PKHD1: variants seen among roughly 807,000 people sequenced by gnomAD.
PKHD1 encodes the protein fibrocystin.
PKHD1 carries 291 observed loss-of-function variants against 412.0 expected under a neutral mutation model. The ratio of observed to expected loss-of-function variants is 0.71; its 90% CI spans 0.64 to 0.78. The LOEUF (loss-of-function observed/expected upper bound fraction) is 0.78. Ranked by LOEUF, PKHD1 falls within the 30% of genes least tolerant of loss-of-function variation. PKHD1 has a pLI of 0.00. For missense variants in PKHD1, 4,825 were observed against 4,950.7 expected, an observed-to-expected ratio of 0.97 and a Z score of 0.76; for synonymous variants, 1,777 against 1,821.5, an observed-to-expected ratio of 0.98 and a Z score of 0.62.
intron 4 of PKHD1, among the ~76,000 whole-genome samples, chr6:52,081,964 T>C (rs1479056871): frequency 6.6e-6 from 1 of 152,164 alleles, no homozygotes; most frequent in Non-Finnish European, 1.5e-5. Context: ...AAATATTTTC[T>C]AAATAGAGGT....
intron 60 of PKHD1, among the ~76,000 whole-genome samples, chr6:51,691,780 A>G (rs1002289206): frequency 1.3e-5 from 2 of 152,144 alleles, no homozygotes; most frequent in African/African-American, 4.8e-5. Flanking sequence ...TATGTAAAAA[A>G]CCTGCACTTG....
chr6:52,032,453 G>A (rs371278442), intron 29 of PKHD1, among the ~76,000 whole-genome samples: 10 of 152,140 alleles, frequency 6.6e-5, no homozygotes, highest in South Asian at 6.2e-4. Context: ...ATTTTTATAC[G>A]TAGAATGTCT....
intron 36 of PKHD1, among the ~76,000 whole-genome samples, chr6:51,957,786 A>G (rs904524395): frequency 3.3e-5 from 5 of 152,070 alleles, no homozygotes; most frequent in Non-Finnish European, 5.9e-5. Context: ...GACACAAATG[A>G]TCTGCCCTTC....
chr6:51,639,033 C>T, intron 63 of PKHD1, 77 bp from the exon 64 acceptor site: 1 of 1,086,640 alleles, frequency 9.2e-7, no homozygotes, highest in South Asian at 1.2e-5. Context: ...TCTGCGAAGG[C>T]AGACATTTGG....
At chr6:51,836,601 C>T in intron 50 of PKHD1, 132 bp from the exon 51 acceptor site, 1 of 696,506 alleles carries the variant, frequency 1.4e-6, no homozygotes, top group African/African-American at 1.8e-5. Flanking sequence ...AAATGAAATC[C>T]TTGTTAGTTA....
chr6:52,020,508 T>G (rs1801238707), intron 33 of PKHD1, among the ~76,000 whole-genome samples: 1 of 152,246 alleles, frequency 6.6e-6, no homozygotes, highest in African/African-American at 2.4e-5. Context: ...CTTGGAAAGT[T>G]TCTGATTCAG....
At chr6:51,891,972 T>A (rs1779195398) in intron 43 of PKHD1, among the ~76,000 whole-genome samples, 1 of 152,150 alleles carries the variant, frequency 6.6e-6, no homozygotes, top group African/African-American at 2.4e-5. Context: ...CAGCACATAC[T>A]GACACAATTG....
At chr6:51,810,630 C>A (rs1764549757) in intron 52 of PKHD1, among the ~76,000 whole-genome samples, 1 of 152,234 alleles carries the variant, frequency 6.6e-6, no homozygotes, top group South Asian at 2.1e-4. Context: ...TGCTCACTCA[C>A]CCTTAGCCAC....
At chr6:51,643,615 G>A (rs912380242) in intron 63 of PKHD1, among the ~76,000 whole-genome samples, 1 of 152,166 alleles carries the variant, frequency 6.6e-6, no homozygotes, top group Non-Finnish European at 1.5e-5. Context: ...AAGTTTGGTA[G>A]AAAATTATTT....
rs368682518 is a variant in PKHD1, at chr6:51,616,737, C to T, written c.*2344G>A. On this transcript the variant is annotated 3_prime_UTR_variant, in exon 67 of 67. Transcript: ENST00000371117. ...AGTAAGATAATTATGGTTATTCCTA[C>T]GCAGAGGGATAGGATAAAACATGCC... is the stretch of plus-strand genomic sequence containing the variant. The T allele has an allele frequency of 1.2e-4, 47 of 397,448 alleles. No homozygotes were observed. Among genetic ancestry groups the T allele is most frequent in the Non-Finnish European group, 1.6e-4 (36 of 225,900 alleles). 24.6% of individuals were successfully genotyped at this position (397,448 alleles called of 1,614,324 possible). A position where few individuals can be genotyped will look rare whatever the true frequency, so the allele number is the denominator to read the frequency against.
intron 55 of PKHD1, among the ~76,000 whole-genome samples, chr6:51,767,798 G>C (rs1296585151): frequency 6.6e-6 from 1 of 152,170 alleles, no homozygotes; most frequent in Non-Finnish European, 1.5e-5. Context: ...TGTCTTTATA[G>C]CAGCATGATT....
In PKHD1 at chr6:51,976,806, A is replaced by C. The variant is rs528291557; in HGVS notation, c.5752-16780T>G. Among the ~76,000 whole-genome samples, 10 of 151,978 alleles carry C rather than the reference A, an allele frequency of 6.6e-5. No individual in the cohort carries two copies. The East Asian group carries it at 1.7e-3, about 27-fold the overall frequency. On this transcript the variant is annotated intron_variant, in intron 35 of 66. Transcript: ENST00000371117. ...CTACTAAAAATACAAAAATTAGCTG[A>C]GTGTGGTGGCACATGCCTGTAGTCC...
chr6:51,739,061 C>T (rs920037892), intron 60 of PKHD1, among the ~76,000 whole-genome samples: 5 of 145,602 alleles, frequency 3.4e-5, no homozygotes, highest in Non-Finnish European at 6.0e-5. Flanking sequence ...TTTATATATA[C>T]GTATTTTATA....
chr6:52,031,012 C>A (rs1348857858), intron 29 of PKHD1, among the ~76,000 whole-genome samples: 3 of 152,012 alleles, frequency 2.0e-5, no homozygotes, highest in Non-Finnish European at 2.9e-5. Context: ...ATAGGCAGGG[C>A]CTTTCTTTGG....
chr6:51,908,250 A>G (rs1782426911), intron 40 of PKHD1, among the ~76,000 whole-genome samples: 2 of 152,158 alleles, frequency 1.3e-5, no homozygotes, highest in Admixed American at 1.3e-4. Context: ...GATAATTTGA[A>G]ATGAAGGAAA....
intron 37 of PKHD1, among the ~76,000 whole-genome samples, chr6:51,916,879 T>C (rs989727067): frequency 6.6e-6 from 1 of 152,158 alleles, no homozygotes; most frequent in Admixed American, 6.6e-5. Flanking sequence ...GGGCTTTCCA[T>C]GTTGACCTGT....
intron 60 of PKHD1, among the ~76,000 whole-genome samples, chr6:51,743,056 G>A (rs922345251): frequency 6.6e-6 from 1 of 152,178 alleles, no homozygotes; most frequent in African/African-American, 2.4e-5. Flanking sequence ...TCACAAGAGA[G>A]GAGGTGAGAG....
chr6:51,765,382 A>G (rs1483404555), intron 55 of PKHD1, among the ~76,000 whole-genome samples: 1 of 152,146 alleles, frequency 6.6e-6, no homozygotes, highest in Non-Finnish European at 1.5e-5. Context: ...AAAACCCTTC[A>G]GTGATTTCCC....
chr6:51,753,489 T>C (rs1480049994), intron 56 of PKHD1, 136 bp from the exon 57 acceptor site: 15 of 734,340 alleles, frequency 2.0e-5, no homozygotes, highest in Non-Finnish European at 3.6e-5. Flanking sequence ...GGTCTGCTTT[T>C]CCTGGGGCAT....
Sources: gnomAD v4.1 joint callset for allele counts (sites outside exome capture counted in the v4.1 genomes callset) on GRCh38, gnomAD v4.1.1 for gene constraint, MANE v1.5 for transcripts, NCBI Gene and HGNC (gene_info 2026-07-23, HGNC 2026-07-21) for gene names.